The following FNDC3B variants were observed in gnomAD, a reference collection of about 807,000 sequenced individuals.
FNDC3B encodes the protein fibronectin type III domain containing 3B.
Under a neutral mutation model 151.5 loss-of-function variants are expected in FNDC3B, and 12 were observed. That is an observed-to-expected ratio of 0.08 (90% CI 0.05 to 0.13). The LOEUF (loss-of-function observed/expected upper bound fraction) is 0.13. Among genes scored for constraint, FNDC3B ranks in the 10% least tolerant of loss-of-function variants. The pLI is 1.00. For synonymous variants in FNDC3B, 528 were observed against 549.0 expected, an observed-to-expected ratio of 0.96 and a Z score of 0.54; for missense variants, 1,214 against 1,505.3, an observed-to-expected ratio of 0.81 and a Z score of 3.20.
chr3:172,377,492 A>G (rs1448149670), intron 23 of FNDC3B, among the ~76,000 whole-genome samples: 1 of 152,246 alleles, frequency 6.6e-6, no homozygotes, highest in African/African-American at 2.4e-5. Flanking sequence ...CCCTGGGGGA[A>G]AACACCTAAA....
intron 3 of FNDC3B, among the ~76,000 whole-genome samples, chr3:172,219,162 C>T (rs1262080236): frequency 4.6e-5 from 7 of 152,160 alleles, no homozygotes; most frequent in African/African-American, 1.4e-4. Flanking sequence ...CAATTACTAA[C>T]GTTTCCACAA....
chr3:172,113,407 AATCT>A (rs1303439091), intron 2 of FNDC3B, among the ~76,000 whole-genome samples: 1 of 152,196 alleles, frequency 6.6e-6, no homozygotes, highest in Non-Finnish European at 1.5e-5. Flanking sequence ...CCCCTGCTCT[AATCT>A]ATCATACAGT....
In FNDC3B at chr3:172,399,920, C is replaced by G. The variant is rs966463123; in HGVS notation, c.*2445C>G. The G allele has an allele frequency of 3.3e-5, 5 of 152,440 alleles. No homozygotes were observed. Among genetic ancestry groups the G allele is most frequent in the African/African-American group, 1.2e-4 (5 of 41,382 alleles). 9.4% of individuals were successfully genotyped at this position (152,440 alleles called of 1,614,324 possible). Reference sequence around the variant, plus strand: ...TGAGATTTTCATACTATCATTTAACCACCAGGAAGCTGAAGTGTGTGAAGT... The same window carrying G: ...TGAGATTTTCATACTATCATTTAACGACCAGGAAGCTGAAGTGTGTGAAGT... On this transcript the variant is annotated 3_prime_UTR_variant, in exon 26 of 26. Transcript: ENST00000415807.
chr3:172,269,338 A>G (rs945134242), intron 6 of FNDC3B, among the ~76,000 whole-genome samples: 2 of 151,942 alleles, frequency 1.3e-5, no homozygotes, highest in African/African-American at 4.8e-5. Flanking sequence ...AGCTCACTGC[A>G]GCCTCAAACA....
At chr3:172,124,847 G>A (rs1720732029) in intron 2 of FNDC3B, among the ~76,000 whole-genome samples, 3 of 152,180 alleles carry the variant, frequency 2.0e-5, no homozygotes, top group South Asian at 2.1e-4. Context: ...GAGGGCTTAC[G>A]AGGTGCTGGG....
chr3:172,208,130 AT>A, intron 3 of FNDC3B, among the ~76,000 whole-genome samples: 1 of 152,018 alleles, frequency 6.6e-6, no homozygotes, highest in South Asian at 2.1e-4. Context: ...CTGAACCTTT[AT>A]TTTTTTCTTT....
At chr3:172,103,364 G>A (rs1267519294) in intron 1 of FNDC3B, among the ~76,000 whole-genome samples, 1 of 151,824 alleles carries the variant, frequency 6.6e-6, no homozygotes. Flanking sequence ...ATATTAATAG[G>A]GGTTTACGGA....
intron 3 of FNDC3B, among the ~76,000 whole-genome samples, chr3:172,193,483 A>G (rs1441462384): frequency 6.6e-6 from 1 of 150,440 alleles, no homozygotes; most frequent in African/African-American, 2.5e-5. Flanking sequence ...AGTTACTTTG[A>G]GTGACTTTTT....
At chr3:172,327,017 G>A (rs919616482) in intron 11 of FNDC3B, among the ~76,000 whole-genome samples, 6 of 152,204 alleles carry the variant, frequency 3.9e-5, no homozygotes, top group African/African-American at 1.4e-4. Flanking sequence ...GCCACAGCCT[G>A]AAATGGATAC....
At chr3:172,062,232 G>A (rs1717236703) in intron 1 of FNDC3B, among the ~76,000 whole-genome samples, 1 of 151,746 alleles carries the variant, frequency 6.6e-6, no homozygotes, top group African/African-American at 2.4e-5. Context: ...CCTTTTCTAG[G>A]GTTGGGAATT....
intron 3 of FNDC3B, among the ~76,000 whole-genome samples, chr3:172,151,312 G>T (rs1159566851): frequency 6.6e-6 from 1 of 152,086 alleles, no homozygotes; most frequent in Non-Finnish European, 1.5e-5. Context: ...ATAATTTTAA[G>T]GTTTCCATTG....
At chr3:172,193,021 G>C (rs1724613316) in intron 3 of FNDC3B, among the ~76,000 whole-genome samples, 1 of 151,954 alleles carries the variant, frequency 6.6e-6, no homozygotes, top group South Asian at 2.1e-4. Context: ...GCTTGTGATT[G>C]TTTGTTAATT....
chr3:172,296,634 C>G (rs1730620556), intron 8 of FNDC3B, among the ~76,000 whole-genome samples: 1 of 152,238 alleles, frequency 6.6e-6, no homozygotes, highest in African/African-American at 2.4e-5. Context: ...ATTCCTAACT[C>G]TGGCTCATCA....
At position 172,104,321 on chromosome 3, in the gene FNDC3B, C is replaced by A. The variant is rs578100366; in HGVS notation, c.-28-8131C>A. Among the ~76,000 whole-genome samples the A allele has an allele frequency of 2.0e-5, 3 of 151,046 alleles. No homozygotes were observed. The South Asian group carries it at 6.3e-4, about 32-fold the overall frequency. On this transcript the variant is annotated intron_variant, in intron 1 of 25. Transcript: ENST00000415807. ...TAAGAGGAAATTAATTACTGAAGTT[C>A]AGAGCTAATTATTTTATTGACAAAT...
At position 172,210,170 on chromosome 3, in the gene FNDC3B, G is replaced by A. The variant is rs138369350; in HGVS notation, c.188-16701G>A. ...CTTGGTAGGGCACAGGGTTCCCACCGGGATCACCTGTTCCCAGCCCCCGCC... is the reference window on the plus strand; with the variant it reads ...CTTGGTAGGGCACAGGGTTCCCACCAGGATCACCTGTTCCCAGCCCCCGCC... On this transcript the variant is annotated intron_variant, in intron 3 of 25. Coordinates refer to ENST00000415807, the MANE Select transcript of FNDC3B (RefSeq NM_022763.4). 5.0e-3 allele frequency among the ~76,000 whole-genome samples: 765 copies of A among 152,214 alleles called. 5 individuals are homozygous for A. The highest frequency in any genetic ancestry group is 0.014 in the Middle Eastern group (4 of 294).
chr3:172,231,878 C>T (rs1018185256), intron 4 of FNDC3B, among the ~76,000 whole-genome samples: 5 of 111,926 alleles, frequency 4.5e-5, no homozygotes, highest in Non-Finnish European at 7.5e-5. Flanking sequence ...CTTTATTTAC[C>T]GTTTTTTTTT....
rs540079586 is a variant in FNDC3B at position 172,314,613 on chromosome 3, T to G, written c.1254+3732T>G. ...GTAATCACCTTTGCAATAAAATGAG[T>G]AGAGTAAAATTTTGAAAGTGTTGGT... On this transcript the variant is annotated intron_variant, in intron 11 of 25. Coordinates refer to ENST00000415807, the MANE Select transcript of FNDC3B (RefSeq NM_022763.4). 7.5e-4 allele frequency among the ~76,000 whole-genome samples: 114 copies of G among 152,202 alleles called. No homozygotes were observed. In the Middle Eastern group the frequency reaches 0.01, roughly 14 times the overall value.
chr3:172,098,194 A>G (rs1719185326), intron 1 of FNDC3B, among the ~76,000 whole-genome samples: 1 of 152,174 alleles, frequency 6.6e-6, no homozygotes, highest in South Asian at 2.1e-4. Flanking sequence ...TTAAAGAACC[A>G]GGTTGTACTT....
chr3:172,392,798 C>CTTTTTTT (rs11450405), intron 25 of FNDC3B, among the ~76,000 whole-genome samples: 28 of 86,264 alleles, frequency 3.2e-4, no homozygotes, highest in Admixed American at 4.8e-4. Context: ...TGAATTTTTT[C>CTTTTTTT]TTTTTTTTTT....
Sources: allele counts gnomAD v4.1 joint callset (sites outside exome capture counted in the v4.1 genomes callset), GRCh38; gene constraint gnomAD v4.1.1; transcripts MANE v1.5; gene names NCBI Gene and HGNC (gene_info 2026-07-23, HGNC 2026-07-21).